The following CFAP65 variants were observed in gnomAD, a reference collection of about 807,000 sequenced individuals.
The protein encoded by CFAP65 is cilia and flagella associated protein 65, also known as cilia- and flagella-associated protein 65.
Under a neutral mutation model 208.0 loss-of-function variants are expected in CFAP65, and 155 were observed. The observed-to-expected ratio is 0.75, with a 90% CI of 0.65 to 0.85. The LOEUF (loss-of-function observed/expected upper bound fraction) is 0.85, where lower values mean the gene tolerates loss of function less well. Among genes scored for constraint, CFAP65 ranks in the 40% least tolerant of loss-of-function variants. The probability of loss-of-function intolerance (pLI) is 0.00; values close to 1 mark genes in which losing one functional copy is unlikely to be tolerated. For synonymous variants in CFAP65, 970 were observed against 986.3 expected (o/e 0.98, Z 0.31); for missense variants, 2,294 against 2,451.3 (o/e 0.94, Z 1.36).
chr2:219,009,317 T>A (rs369301373), intron 28 of CFAP65, 30 bp downstream of exon 28: 5 of 1,556,502 alleles, frequency 3.2e-6, no homozygotes, highest in Non-Finnish European at 3.5e-6. Flanking sequence ...CATGCCTCCA[T>A]CCCACTTTAC....
chr2:219,009,522 G>T (rs1224702089), intron 27 of CFAP65, 62 bp from the exon 28 acceptor site: 2 of 1,102,334 alleles, frequency 1.8e-6, no homozygotes, highest in South Asian at 1.2e-5. Context: ...AGGATGGCAC[G>T]GAATAGGATG....
rs1019824936 is a variant in CFAP65 at position 219,031,042 on chromosome 2, G to A, written c.1015+64C>T. 1.3e-5 allele frequency: 19 copies of A among 1,517,814 alleles called. No homozygotes were observed. Among genetic ancestry groups the A allele is most frequent in the Non-Finnish European group, 9.8e-6 (11 of 1,123,280 alleles). 94.0% of individuals were successfully genotyped at this position (1,517,814 alleles called of 1,614,324 possible). The stretch of plus-strand genomic sequence containing the variant: ...CCAGATGGGAGGTGGGGGACACTGA[G>A]GCCTGGAGGACCCAGAAGGTGCAGG... On this transcript the variant is annotated intron_variant, in intron 8 of 34. Transcript: ENST00000341552. This position sits in a 1 kb window ranked among gnomAD's most constrained non-coding sequence, Gnocchi z 5.2.
chr2:219,023,982 C>G (rs762750048), intron 15 of CFAP65, 33 bp downstream of exon 15: 2 of 1,599,982 alleles, frequency 1.3e-6, no homozygotes, highest in Non-Finnish European at 1.7e-6. Context: ...GGCCCATTCC[C>G]AAGGACCCAG....
At position 219,032,465 on chromosome 2, in the gene CFAP65, C is replaced by T; in HGVS notation, c.645+5G>A. ...CCTGCCCTCACTCGCTGTGGCAGAC[C>T]TTACCGCCTCCAGAGGCCGGAAGAC... On this transcript the variant is annotated splice_donor_5th_base_variant and intron_variant, in intron 6 of 34. Coordinates refer to ENST00000341552, the MANE Select transcript of CFAP65 (RefSeq NM_194302.4). This position sits in a 1 kb window ranked among gnomAD's most constrained non-coding sequence, Gnocchi z 5.5. The T allele has an allele frequency of 1.3e-6, 2 of 1,579,862 alleles. No individual in the cohort carries two copies.
rs1339107762 is a variant in CFAP65 at position 219,006,407 on chromosome 2, C to T, written c.4719+58G>A. ...CAGGGGTTGGAGGTCTCTCTGGGAG[C>T]AAGCAAGGACCCTCCCAAGTTGTCC... On this transcript the variant is annotated intron_variant, in intron 30 of 34. Coordinates refer to ENST00000341552, the MANE Select transcript of CFAP65 (RefSeq NM_194302.4). 1.9e-6 allele frequency: 3 copies of T among 1,596,210 alleles called. No individual in the cohort carries two copies. The African/African-American group carries it at 4.0e-5, about 21-fold the overall frequency.
rs559901063 is a variant in CFAP65 at position 219,031,428 on chromosome 2, G to A, written c.815+61C>T. The A allele has an allele frequency of 2.9e-5, 46 of 1,612,322 alleles. No homozygotes were observed. The African/African-American group carries it at 5.2e-4, about 18-fold the overall frequency. On this transcript the variant is annotated intron_variant, in intron 7 of 34. Coordinates refer to ENST00000341552, the MANE Select transcript of CFAP65 (RefSeq NM_194302.4). This position sits in a 1 kb window ranked among gnomAD's most constrained non-coding sequence, Gnocchi z 5.2. ...CGACAAGGGTATGCCTGTCTCTCCT[G>A]CTTCCAGACACCCTCCTCACAGCTC... is the stretch of plus-strand genomic sequence containing the variant.
intron 16 of CFAP65, among the ~76,000 whole-genome samples, chr2:219,022,576 G>A (rs1256817684): frequency 2.0e-5 from 3 of 152,182 alleles, no homozygotes; most frequent in Non-Finnish European, 4.4e-5. Flanking sequence ...TCAGAGAAGT[G>A]GGGTCCCTTG....
At chr2:219,009,506 T>C (rs1307764042) in intron 27 of CFAP65, 46 bp from the exon 28 acceptor site, 7 of 1,316,096 alleles carry the variant, frequency 5.3e-6, no homozygotes, top group East Asian at 2.3e-5. Flanking sequence ...AGGGATGGAA[T>C]TGGATAGGAT....
chr2:219,008,976 C>CT (rs1946231376), intron 29 of CFAP65, 71 bp downstream of exon 29: 1 of 1,361,522 alleles, frequency 7.3e-7, no homozygotes, highest in Non-Finnish European at 1.0e-6. Context: ...CCTTGGCCCA[C>CT]TACCTCTGTC....
At chr2:219,014,265 G>A (rs1297994245) in intron 21 of CFAP65, 6 of 409,678 alleles carry the variant, frequency 1.5e-5, no homozygotes, top group Admixed American at 7.9e-5. Flanking sequence ...GGGCCACGGC[G>A]ACTCAAGAAG....
intron 27 of CFAP65, 144 bp from the exon 28 acceptor site, chr2:219,009,604 GATGGGACAAGATGGA>G: frequency 3.9e-6 from 2 of 507,996 alleles, no homozygotes; most frequent in African/African-American, 3.9e-5. Context: ...GATGGGATGG[GATGGGACAAGATGGA>G]ATGGGATGGG....
chr2:219,032,485 G>A lies in CFAP65; in HGVS notation c.630C>T (p.Phe210=), dbSNP rs1948114245. The A allele has an allele frequency of 1.3e-6, 2 of 1,598,612 alleles. No individual in the cohort carries two copies. The highest frequency in any genetic ancestry group is 1.3e-5 in the African/African-American group (1 of 74,802). The change falls in exon 6 of 35, where the codon TTC becomes TTT. Residue 210 remains phenylalanine, a synonymous_variant. Coordinates refer to ENST00000341552, the MANE Select transcript of CFAP65 (RefSeq NM_194302.4). This position sits in a 1 kb window ranked among gnomAD's most constrained non-coding sequence, Gnocchi z 5.5. ...PGITLTLPIV[F]RPLEAKEYMD... Reference sequence around the variant, plus strand: ...CAGACCTTACCGCCTCCAGAGGCCGGAAGACGATGGGGAGCGTGAGGGTTA... The same window carrying A: ...CAGACCTTACCGCCTCCAGAGGCCGAAAGACGATGGGGAGCGTGAGGGTTA...
At chr2:219,023,908 G>A in intron 15 of CFAP65, 107 bp downstream of exon 15, 1 of 1,335,564 alleles carries the variant, frequency 7.5e-7, no homozygotes, top group Non-Finnish European at 1.0e-6. Flanking sequence ...AGGAGAAGTG[G>A]CCCCCTGGAA....
In CFAP65 at chr2:219,030,141, G is replaced by A. The variant is rs1487644078; in HGVS notation, c.1229C>T (p.Pro410Leu). The change falls in exon 10 of 35, where the codon CCC becomes CTC. Residue 410 changes from proline to leucine, a missense_variant. Pro to Leu is a moderately conservative substitution (Grantham distance 98). Coordinates refer to ENST00000341552, the MANE Select transcript of CFAP65 (RefSeq NM_194302.4). ...ELAEDQAFSC[P>L]TAHGIVLPGE... ...CGGAAGCACGATGCCATGGGCCGTG[G>A]GGCATGAGAAGGCCTGGTCTTCGGC... The A allele has an allele frequency of 5.0e-6, 8 of 1,613,996 alleles. No homozygotes were observed. In the Admixed American group the frequency reaches 1.3e-4, roughly 27 times the overall value.
At chr2:219,028,120 T>C in intron 12 of CFAP65, 81 bp downstream of exon 12, 1 of 1,568,798 alleles carries the variant, frequency 6.4e-7, no homozygotes, top group Non-Finnish European at 8.7e-7. Context: ...TGACTACTAA[T>C]GGTGCCCATG....
chr2:219,011,054 G>A (rs1320083753), intron 24 of CFAP65, 58 bp from the exon 25 acceptor site: 2 of 1,497,254 alleles, frequency 1.3e-6, no homozygotes, highest in East Asian at 4.6e-5. Flanking sequence ...AAATCAGAAA[G>A]CCTGGGATGC....
intron 24 of CFAP65, among the ~76,000 whole-genome samples, chr2:219,012,805 G>A (rs1946574374): frequency 6.6e-6 from 1 of 152,110 alleles, no homozygotes; most frequent in African/African-American, 2.4e-5. Flanking sequence ...TCAATGTTGT[G>A]GGTCATGCCC....
chr2:219,009,511 T>A, intron 27 of CFAP65, 51 bp from the exon 28 acceptor site: 1 of 1,273,070 alleles, frequency 7.9e-7, no homozygotes. Flanking sequence ...TGGAATTGGA[T>A]AGGATGGCAC....
At chr2:219,019,751 G>T (rs1263745391) in intron 19 of CFAP65, 32 bp from the exon 20 acceptor site, 65 of 1,593,782 alleles carry the variant, frequency 4.1e-5, no homozygotes, top group Non-Finnish European at 5.5e-5. Flanking sequence ...ACAGAAGTGG[G>T]CTTGCCTCCC....
Sources: allele counts gnomAD v4.1 joint callset (sites outside exome capture counted in the v4.1 genomes callset), GRCh38; gene constraint gnomAD v4.1.1; non-coding constraint Gnocchi (gnomAD v3.1); transcripts MANE v1.5; gene names NCBI Gene and HGNC (gene_info 2026-07-23, HGNC 2026-07-21).